SYNPR: variants seen among roughly 807,000 people sequenced by gnomAD.
SYNPR encodes the protein synaptoporin.
In SYNPR, 23 loss-of-function variants were observed where a neutral mutation model predicts 32.9. That is an observed-to-expected ratio of 0.70 (90% CI 0.50 to 0.99). The LOEUF (loss-of-function observed/expected upper bound fraction) is 0.99, where lower values mean the gene tolerates loss of function less well. SYNPR is among the 50% of genes least tolerant of loss of function. The pLI is 0.00. For missense variants in SYNPR, 318 were observed against 349.3 expected (o/e 0.91, Z 0.71); for synonymous variants, 146 against 135.9 (o/e 1.07, Z -0.52).
intron 2 of SYNPR, among the ~76,000 whole-genome samples, chr3:63,310,208 C>T (rs2086950101): frequency 6.6e-6 from 1 of 151,864 alleles, no homozygotes; most frequent in African/African-American, 2.4e-5. Context: ...CACCTTTGGT[C>T]TCCTTATTTG....
intron 2 of SYNPR, among the ~76,000 whole-genome samples, chr3:63,319,730 A>G (rs1007873341): frequency 1.3e-5 from 2 of 152,064 alleles, no homozygotes; most frequent in African/African-American, 4.8e-5. Context: ...TGCAATTCCT[A>G]TCAAAATACC....
intron 1 of SYNPR, among the ~76,000 whole-genome samples, chr3:63,242,316 C>T (rs922580344): frequency 6.6e-6 from 1 of 151,914 alleles, no homozygotes; most frequent in Non-Finnish European, 1.5e-5. Context: ...GAGAGGGTAC[C>T]CCAGGACACA....
At chr3:63,524,599 G>C (rs1701972015) in intron 3 of SYNPR, among the ~76,000 whole-genome samples, 1 of 152,128 alleles carries the variant, frequency 6.6e-6, no homozygotes, top group Admixed American at 6.5e-5. Flanking sequence ...TCGCCCTGAT[G>C]CCTTGCTAGC....
intron 4 of SYNPR, among the ~76,000 whole-genome samples, chr3:63,591,798 G>T: frequency 9.1e-6 from 1 of 110,462 alleles, no homozygotes; most frequent in East Asian, 3.2e-4. Context: ...ACACTCTGGG[G>T]ACTGTGGTGG....
At chr3:63,304,140 T>G (rs945553594) in intron 2 of SYNPR, among the ~76,000 whole-genome samples, 2 of 151,970 alleles carry the variant, frequency 1.3e-5, no homozygotes, top group African/African-American at 2.4e-5. Context: ...TGGCAAAATT[T>G]TTTGAAAAAA....
At chr3:63,340,506 G>A (rs901575698) in intron 2 of SYNPR, among the ~76,000 whole-genome samples, 5 of 140,660 alleles carry the variant, frequency 3.6e-5, no homozygotes, top group Admixed American at 7.7e-5. Context: ...TGCAAGCTCC[G>A]CCTCCCGGGT....
intron 3 of SYNPR, among the ~76,000 whole-genome samples, chr3:63,550,575 G>A (rs1702482195): frequency 1.3e-5 from 2 of 151,788 alleles, no homozygotes; most frequent in Non-Finnish European, 2.9e-5. Context: ...ATTGCTATTC[G>A]GCTGACTGCA....
chr3:63,396,734 T>A (rs1560216501), intron 2 of SYNPR, among the ~76,000 whole-genome samples: 1 of 152,208 alleles, frequency 6.6e-6, no homozygotes, highest in African/African-American at 2.4e-5. Context: ...TTTTATTTCC[T>A]GAGAGAACTC....
chr3:63,216,775 G>A, the SYNPR span, among the ~76,000 whole-genome samples: 6 of 49,368 alleles, frequency 1.2e-4, 2 homozygotes, highest in South Asian at 3.2e-3. Context: ...TTTGGAGGAG[G>A]AGAGGTGCTC....
chr3:63,203,863 G>C, the SYNPR span, among the ~76,000 whole-genome samples: 1 of 151,966 alleles, frequency 6.6e-6, no homozygotes, highest in Non-Finnish European at 1.5e-5. Flanking sequence ...GCTGGAAGTG[G>C]TGGTGGATGC....
intron 3 of SYNPR, among the ~76,000 whole-genome samples, chr3:63,507,944 T>C (rs1362059208): frequency 1.3e-5 from 2 of 151,672 alleles, no homozygotes; most frequent in Non-Finnish European, 2.9e-5. Context: ...TTACAGGAAA[T>C]GAAAATGGCA....
intron 2 of SYNPR, among the ~76,000 whole-genome samples, chr3:63,253,497 C>G (rs928472329): frequency 6.6e-6 from 1 of 152,128 alleles, no homozygotes; most frequent in Non-Finnish European, 1.5e-5. Flanking sequence ...TTTATAGCAG[C>G]ATTCTATATA....
intron 2 of SYNPR, among the ~76,000 whole-genome samples, chr3:63,349,741 T>A (rs2087481352): frequency 6.6e-6 from 1 of 151,882 alleles, no homozygotes; most frequent in African/African-American, 2.4e-5. Context: ...GAATCCAAGT[T>A]CCTTCTACTC....
intron 4 of SYNPR, among the ~76,000 whole-genome samples, chr3:63,559,658 C>G (rs991469849): frequency 1.4e-5 from 2 of 144,190 alleles, no homozygotes; most frequent in African/African-American, 5.1e-5. Context: ...AATATGTTAA[C>G]TTAAAAAAAG....
chr3:63,378,504 T>A (rs1234582571), intron 2 of SYNPR, among the ~76,000 whole-genome samples: 1 of 152,060 alleles, frequency 6.6e-6, no homozygotes, highest in East Asian at 1.9e-4. Flanking sequence ...CTGTATTCTA[T>A]TTATATGTCT....
chr3:63,593,192 GCTA>G (rs1396112637), intron 4 of SYNPR, among the ~76,000 whole-genome samples: 1 of 152,054 alleles, frequency 6.6e-6, no homozygotes, highest in East Asian at 1.9e-4. Context: ...TAATATTAAT[GCTA>G]CTACTAATAT....
At chr3:63,543,617 A>G (rs1702345776) in intron 3 of SYNPR, among the ~76,000 whole-genome samples, 1 of 152,068 alleles carries the variant, frequency 6.6e-6, no homozygotes, top group South Asian at 2.1e-4. Context: ...CTATGACTAG[A>G]TCAGTGTCAT....
intron 2 of SYNPR, among the ~76,000 whole-genome samples, chr3:63,389,821 T>G (rs1239835757): frequency 1.3e-5 from 2 of 152,236 alleles, no homozygotes; most frequent in South Asian, 2.1e-4. Flanking sequence ...TTTCTTTCAC[T>G]GTTCTCACAT....
chr3:63,344,571 T>TTTTTC (rs3081091), intron 2 of SYNPR, among the ~76,000 whole-genome samples: 3 of 150,014 alleles, frequency 2.0e-5, no homozygotes, highest in African/African-American at 7.4e-5. Flanking sequence ...TTTTTTTTTT[T>TTTTTC]ACAGATTAAT....
Sources: allele counts gnomAD v4.1 joint callset (sites outside exome capture counted in the v4.1 genomes callset), GRCh38; gene constraint gnomAD v4.1.1; transcripts MANE v1.5; gene names NCBI Gene and HGNC (gene_info 2026-07-23, HGNC 2026-07-21).